Variants in TDP2 observed in about 807,000 individuals in gnomAD.
TDP2 encodes the protein 5'-Tyr-DNA phosphodiesterase.
A neutral mutation model predicts 42.8 loss-of-function variants in TDP2; 38 were observed. The observed-to-expected ratio is 0.89, with a 90% confidence interval of 0.68 to 1.16. The LOEUF (loss-of-function observed/expected upper bound fraction) is 1.16, where lower values mean the gene tolerates loss of function less well. TDP2 is among the 50% of genes most tolerant of loss of function. TDP2 has a pLI of 0.00. For synonymous variants in TDP2, 173 were observed against 150.6 expected, an observed-to-expected ratio of 1.15 and a Z score of -1.09; for missense variants, 439 against 439.3, an observed-to-expected ratio of 1.00 and a Z score of 0.01.
chr6:24,652,520 G>A (rs955474287), intron 6 of TDP2, among the ~76,000 whole-genome samples: 1 of 152,084 alleles, frequency 6.6e-6, no homozygotes, highest in African/African-American at 2.4e-5. Flanking sequence ...TCTGGACATG[G>A]TGGTGGCAGG....
chr6:24,651,124 T>TAAA (rs11370284), intron 6 of TDP2, 55 bp from the exon 7 acceptor site: 247 of 994,962 alleles, frequency 2.5e-4, no homozygotes, highest in South Asian at 8.0e-4. Context: ...CCCACTAACT[T>TAAA]AAAAAAAAAA....
chr6:24,666,468 G>A lies in TDP2; in HGVS notation c.251+58C>T, dbSNP rs1326754998. Reference sequence around the variant, plus strand: ...CACGGCAGGTCCCAGGACGCGCAGGGCTACCTGGTATCAAACTGCCTCCGT... The same window carrying A: ...CACGGCAGGTCCCAGGACGCGCAGGACTACCTGGTATCAAACTGCCTCCGT... On this transcript the variant is annotated intron_variant, in intron 2 of 6. Coordinates refer to ENST00000378198, the MANE Select transcript of TDP2 (RefSeq NM_016614.3). 11 of 1,568,102 alleles carry A rather than the reference G, an allele frequency of 7.0e-6. No homozygotes were observed. The East Asian group carries it at 1.3e-4, about 19-fold the overall frequency.
chr6:24,651,201 A>T, intron 6 of TDP2, 132 bp from the exon 7 acceptor site: 1 of 716,452 alleles, frequency 1.4e-6, no homozygotes, highest in Non-Finnish European at 2.3e-6. Flanking sequence ...ACAATGAGAT[A>T]CATTATAAAA....
At position 24,654,468 on chromosome 6, in the gene TDP2, G is replaced by A; in HGVS notation, c.580C>T (p.Gln194Ter). The A allele has an allele frequency of 6.3e-7, 1 of 1,590,222 alleles. No individual in the cohort carries two copies. The highest frequency in any genetic ancestry group is 1.1e-5 in the South Asian group (1 of 88,458). ...GTACTTGGAAAAGGAATAATCTCTT[G>A]GCTTTTTAATTTCACTCTTGATTTC... ...LKKSRVKLKSQEIIPFPSTKM... is the reference protein window; with the variant it reads ...LKKSRVKLKS Residue 194 changes from glutamine (Q) to a stop codon, truncating the protein, a stop_gained, in exon 5 of 7, where the codon CAA (glutamine) becomes TAA (stop). Coordinates refer to ENST00000378198, the MANE Select transcript of TDP2 (RefSeq NM_016614.3). LOFTEE classifies it high-confidence loss of function.
intron 2 of TDP2, 179 bp from the exon 3 acceptor site, chr6:24,658,913 T>C: frequency 1.6e-6 from 1 of 625,840 alleles, no homozygotes; most frequent in Non-Finnish European, 2.7e-6. Flanking sequence ...TAATTGAGCA[T>C]TAATCACGCT....
chr6:24,652,776 T>G, intron 6 of TDP2: 1 of 546,486 alleles, frequency 1.8e-6, no homozygotes, highest in Non-Finnish European at 3.3e-6. Flanking sequence ...CTATTTCTCA[T>G]GCACATTTTT....
At position 24,666,797 on chromosome 6, in the gene TDP2, C is replaced by T; in HGVS notation, c.66G>A (p.Val22=). 1 of 1,614,240 alleles carries T rather than the reference C, an allele frequency of 6.2e-7. No homozygotes were observed. The highest frequency in any genetic ancestry group is 8.5e-7 in the Non-Finnish European group (1 of 1,180,042). Residue 22 remains valine (V), a synonymous_variant, in exon 1 of 7, where the codon GTG becomes GTA. Transcript: ENST00000378198. ...EAAEEEGEPE[V]KKRRLLCVEF... is the part of the protein sequence containing the mutation. Reference sequence around the variant, plus strand: ...CCACACACAGAAGTCGCCGCTTTTTCACCTCAGGCTCGCCCTCTTCCTCCG... The same window carrying T: ...CCACACACAGAAGTCGCCGCTTTTTTACCTCAGGCTCGCCCTCTTCCTCCG...
rs576638312 is a variant in TDP2, at chr6:24,654,658, A to C, written c.518-128T>G. 8 of 591,510 alleles carry C rather than the reference A, an allele frequency of 1.4e-5. No individual in the cohort carries two copies. The East Asian group carries it at 2.6e-4, about 19-fold the overall frequency. The allele number at this position is 591,510 out of a possible 1,614,324, so 36.6% of individuals were successfully genotyped here. A position where few individuals can be genotyped will look rare whatever the true frequency, so the allele number is the denominator to read the frequency against. On this transcript the variant is annotated intron_variant, in intron 4 of 6. Transcript: ENST00000378198. ...GATATTTACATGGATCTAAATCTTT[A>C]AACTATTATTTCAAAATAGTTCATC...
intron 2 of TDP2, among the ~76,000 whole-genome samples, chr6:24,664,897 C>A (rs1778205845): frequency 6.6e-6 from 1 of 152,154 alleles, no homozygotes; most frequent in Non-Finnish European, 1.5e-5. Flanking sequence ...GTAAGAGAAT[C>A]CTAATAGCCA....
intron 2 of TDP2, 69 bp downstream of exon 2, chr6:24,666,457 G>A: frequency 1.3e-6 from 2 of 1,543,188 alleles, no homozygotes; most frequent in South Asian, 1.1e-5. Context: ...GCAGGTCCCA[G>A]GACGCGCAGG....
intron 2 of TDP2, among the ~76,000 whole-genome samples, chr6:24,663,432 A>ATGCCATCC (rs1372131743): frequency 6.6e-6 from 1 of 152,212 alleles, no homozygotes; most frequent in Non-Finnish European, 1.5e-5. Context: ...CTTATTCACT[A>ATGCCATCC]TGCCATCCTT....
In TDP2 at chr6:24,653,038, G is replaced by A. The variant is rs768064857; in HGVS notation, c.752C>T (p.Ala251Val). Residue 251 changes from alanine (A) to valine (V), a missense_variant, in exon 6 of 7, where the codon GCT (alanine) becomes GTT (valine). By Grantham distance (64) the Ala-to-Val change is moderately conservative (BLOSUM62 0). Transcript: ENST00000378198. Reference sequence around the variant, plus strand: ...AAATATAACTGTAGCTGACTCTGGAGCCTCTTGCATTTTCTTTAAAACCAT... The same window carrying A: ...AAATATAACTGTAGCTGACTCTGGAACCTCTTGCATTTTCTTTAAAACCAT... ...LKMVLKKMQE[A>V]PESATVIFAG... 1.2e-6 allele frequency: 2 copies of A among 1,614,020 alleles called. No individual in the cohort carries two copies. The highest frequency in any genetic ancestry group is 1.7e-5 in the Admixed American group (1 of 60,020).
At chr6:24,660,869 T>C (rs1487464842) in intron 2 of TDP2, among the ~76,000 whole-genome samples, 2 of 152,188 alleles carry the variant, frequency 1.3e-5, no homozygotes, top group Non-Finnish European at 2.9e-5. Context: ...AGATTGGGCT[T>C]ATGTTTTCCT....
chr6:24,663,408 CCA>C (rs1778185035), intron 2 of TDP2, among the ~76,000 whole-genome samples: 1 of 152,206 alleles, frequency 6.6e-6, no homozygotes, highest in Admixed American at 6.5e-5. Context: ...CATTTTGGCT[CCA>C]GAGTCCATGC....
chr6:24,664,330 T>TTAAA (rs1554188692), intron 2 of TDP2, among the ~76,000 whole-genome samples: 1 of 78,918 alleles, frequency 1.3e-5, no homozygotes, highest in Non-Finnish European at 3.1e-5. Context: ...GCACAGCTAA[T>TTAAA]AAAAAAAAAA....
chr6:24,657,720 CCTCT>C, intron 4 of TDP2, 88 bp downstream of exon 4: 2 of 576,886 alleles, frequency 3.5e-6, no homozygotes, highest in East Asian at 3.2e-5. Flanking sequence ...TGTGCTTTTT[CCTCT>C]CTATGTCCCA....
At chr6:24,657,107 G>C (rs1246286532) in intron 4 of TDP2, among the ~76,000 whole-genome samples, 3 of 152,172 alleles carry the variant, frequency 2.0e-5, no homozygotes, top group African/African-American at 7.2e-5. Context: ...GAACTTCAAG[G>C]TCCACTTATA....
chr6:24,658,663 T>C lies in TDP2; in HGVS notation c.323A>G (p.Gln108Arg). ...GAGAGAGAACATGCTGCCATTTTCT[T>C]GCTGAGTATCTTCAGATGGGCTGAT... Reference protein sequence around the residue: ...SKISPSEDTQQENGSMFSLIT... With the variant: ...SKISPSEDTQRENGSMFSLIT... Residue 108 changes from glutamine (Q) to arginine (R), a missense_variant, in exon 3 of 7, where the codon CAA becomes CGA. Coordinates refer to ENST00000378198, the MANE Select transcript of TDP2 (RefSeq NM_016614.3). The C allele has an allele frequency of 6.2e-7, 1 of 1,614,048 alleles. No homozygotes were observed. Among genetic ancestry groups the C allele is most frequent in the Middle Eastern group, 1.6e-4 (1 of 6,062 alleles).
chr6:24,666,318 A>C, intron 2 of TDP2: 1 of 1,523,990 alleles, frequency 6.6e-7, no homozygotes, highest in Non-Finnish European at 8.8e-7. Context: ...TCACGTTCGA[A>C]GCGACAGTCT....
Sources: allele counts gnomAD v4.1 joint callset (sites outside exome capture counted in the v4.1 genomes callset), GRCh38; gene constraint gnomAD v4.1.1; transcripts MANE v1.5; gene names NCBI Gene and HGNC (gene_info 2026-07-23, HGNC 2026-07-21).